Variants in ZNF394 observed in about 807,000 individuals in gnomAD.
ZNF394 encodes the protein zinc finger protein 99.
Under a neutral mutation model 21.8 loss-of-function variants are expected in ZNF394, and 19 were observed. The observed-to-expected ratio is 0.87, with a 90% CI of 0.61 to 1.28. The LOEUF (loss-of-function observed/expected upper bound fraction) is 1.28. Ranked by LOEUF, ZNF394 falls within the 50% of genes most tolerant of loss-of-function variation. The probability of loss-of-function intolerance (pLI) is 0.00; values close to 1 mark genes in which losing one functional copy is unlikely to be tolerated. For missense variants in ZNF394, 683 were observed against 708.6 expected, an observed-to-expected ratio of 0.96 and a Z score of 0.41; for synonymous variants, 294 against 273.3, an observed-to-expected ratio of 1.08 and a Z score of -0.75.
downstream of ZNF394, among the ~76,000 whole-genome samples, chr7:99,490,061 C>T (rs939610941): frequency 6.6e-6 from 1 of 151,990 alleles, no homozygotes. Flanking sequence ...TGCCTGTAAT[C>T]CCCAACACTT....
rs573774936 is a variant in ZNF394, at chr7:99,497,126, A to G, written c.583+1590T>C. Among the ~76,000 whole-genome samples, 1,018 of 105,218 alleles carry G rather than the reference A, an allele frequency of 9.7e-3. 17 individuals are homozygous for G. Among genetic ancestry groups the G allele is most frequent in the African/African-American group, 0.054 (841 of 15,562 alleles). 69.0% of individuals were successfully genotyped at this position (105,218 alleles called of 152,430 possible). ...TGTGTGTGTGTGTGTGTGTGTGTATATATATATATATATATGTATATATAT... is the reference window on the plus strand; with the variant it reads ...TGTGTGTGTGTGTGTGTGTGTGTATGTATATATATATATATGTATATATAT... On this transcript the variant is annotated intron_variant, in intron 2 of 2. Coordinates refer to ENST00000337673, the MANE Select transcript of ZNF394 (RefSeq NM_032164.4).
At chr7:99,495,354 G>T (rs1196113010) in intron 2 of ZNF394, among the ~76,000 whole-genome samples, 1 of 146,210 alleles carries the variant, frequency 6.8e-6, no homozygotes, top group Non-Finnish European at 1.5e-5. Flanking sequence ...ATGGAGTCTT[G>T]CTCTGTTGCC....
At chr7:99,496,854 G>A (rs1337557085) in intron 2 of ZNF394, among the ~76,000 whole-genome samples, 1 of 151,644 alleles carries the variant, frequency 6.6e-6, no homozygotes, top group African/African-American at 2.4e-5. Flanking sequence ...TTACAGGTGT[G>A]AGCCACCGTA....
chr7:99,487,632 T>G (rs1800046830), intron 1 of ZNF394: 1 of 900,556 alleles, frequency 1.1e-6, no homozygotes, highest in Non-Finnish European at 1.6e-6. Flanking sequence ...CAATCTGTAG[T>G]GAAGAAACGC....
At position 99,494,141 on chromosome 7, in the gene ZNF394, A is replaced by G. The variant is rs772496774; in HGVS notation, c.1074T>C (p.Tyr358=). Residue 358 remains tyrosine (Y), a synonymous_variant, in exon 3 of 3, where the codon TAT becomes TAC. Coordinates refer to ENST00000337673, the MANE Select transcript of ZNF394 (RefSeq NM_032164.4). ...TQRQLHEERP[Y]KCGNCGKSFK... ...AACTCTTCCCACAGTTACCACATTT[A>G]TAAGGTCTTTCTTCATGGAGCTGCC... 28 of 1,614,094 alleles carry G rather than the reference A, an allele frequency of 1.7e-5. No homozygotes were observed. The highest frequency in any genetic ancestry group is 2.2e-5 in the Non-Finnish European group (26 of 1,180,058).
chr7:99,490,824 C>T (rs1800146658), downstream of ZNF394, among the ~76,000 whole-genome samples: 1 of 151,930 alleles, frequency 6.6e-6, no homozygotes, highest in Non-Finnish European at 1.5e-5. Context: ...AATGAACAGT[C>T]ACATCCAAAG....
At chr7:99,491,366 C>T, downstream of ZNF394, among the ~76,000 whole-genome samples, 1 of 152,268 alleles carries the variant, frequency 6.6e-6, no homozygotes, top group Middle Eastern at 3.4e-3. Context: ...GTGCTAAGAG[C>T]ATCTTTTCTT....
At chr7:99,489,156 C>T (rs527866823), downstream of ZNF394, among the ~76,000 whole-genome samples, 34 of 151,480 alleles carry the variant, frequency 2.2e-4, no homozygotes, top group Admixed American at 4.0e-4. Context: ...TGGTGGTGCG[C>T]GCCTGTAGTC....
Position 99,493,702 on chromosome 7 carries a change from G to C in ZNF394, c.1513C>G (p.Arg505Gly). 1 of 1,614,158 alleles carries C rather than the reference G, an allele frequency of 6.2e-7. No individual in the cohort carries two copies. Among genetic ancestry groups the C allele is most frequent in the Admixed American group, 1.7e-5 (1 of 60,010 alleles). Residue 505 changes from arginine (R) to glycine (G), a missense_variant, in exon 3 of 3, where the codon CGC (arginine) becomes GGC (glycine). Physicochemically the swap from Arg to Gly is moderately radical, Grantham distance 125. Transcript: ENST00000337673. ...ATGAGGGTTGCACTCTGATTGAAGC[G>C]TTTCCCACAGACGGAACATCCATAG... is the stretch of plus-strand genomic sequence containing the variant. The part of the protein sequence containing the change: ...KPYGCSVCGK[R>G]FNQSATLIKH...
At chr7:99,496,498 G>C (rs983684043) in intron 2 of ZNF394, among the ~76,000 whole-genome samples, 3 of 152,168 alleles carry the variant, frequency 2.0e-5, no homozygotes, top group East Asian at 3.8e-4. Context: ...AGTGTGGCCA[G>C]AGCAGGCAAA....
In ZNF394 at chr7:99,493,910, G is replaced by T; in HGVS notation, c.1305C>A (p.Thr435=). Residue 435 remains threonine (T), a synonymous_variant, in exon 3 of 3, where the codon ACC becomes ACA. Coordinates refer to ENST00000337673, the MANE Select transcript of ZNF394 (RefSeq NM_032164.4). ...ATTTAAAATGTTTGTCTCTACTGTGGGTACTTTGATGACGATTTAGGTGTG... is the reference window on the plus strand; with the variant it reads ...ATTTAAAATGTTTGTCTCTACTGTGTGTACTTTGATGACGATTTAGGTGTG... ...QNSHLNRHQS[T]HSRDKHFKCE... is the part of the protein sequence containing the mutation. 6.2e-7 allele frequency: 1 copy of T among 1,614,192 alleles called. No homozygotes were observed. Among genetic ancestry groups the T allele is most frequent in the Non-Finnish European group, 8.5e-7 (1 of 1,180,042 alleles).
chr7:99,498,897 A>G (rs941169314), intron 1 of ZNF394, 55 bp from the exon 2 acceptor site: 4 of 1,552,778 alleles, frequency 2.6e-6, no homozygotes, highest in Non-Finnish European at 3.5e-6. Context: ...CAGCACTAAC[A>G]CTCTTCTTGA....
chr7:99,497,076 A>T (rs1800337697), intron 2 of ZNF394, among the ~76,000 whole-genome samples: 1 of 137,110 alleles, frequency 7.3e-6, no homozygotes, highest in African/African-American at 2.9e-5. Flanking sequence ...ATATATGTAT[A>T]TACATACATA....
rs1800402364 is a variant in ZNF394 at position 99,498,382 on chromosome 7, G to A, written c.583+334C>T. The stretch of plus-strand genomic sequence containing the variant: ...AAGGATAGAGGGGAAGGGTTTCAGG[G>A]AGGCTATGTGGGGGCCTCACCTACA... On this transcript the variant is annotated intron_variant, in intron 2 of 2. Coordinates refer to ENST00000337673, the MANE Select transcript of ZNF394 (RefSeq NM_032164.4). The A allele has an allele frequency of 1.3e-5, 3 of 225,466 alleles. No homozygotes were observed. In the South Asian group the frequency reaches 1.5e-4, roughly 12 times the overall value. 14.0% of individuals were successfully genotyped at this position (225,466 alleles called of 1,614,324 possible). A position where few individuals can be genotyped will look rare whatever the true frequency, so the allele number is the denominator to read the frequency against.
chr7:99,496,236 G>T (rs147063609), intron 2 of ZNF394, among the ~76,000 whole-genome samples: 2 of 150,322 alleles, frequency 1.3e-5, no homozygotes, highest in Non-Finnish European at 3.0e-5. Context: ...GGCTGGTCTC[G>T]AACTCCTGAC....
chr7:99,487,414 T>C (rs1446662176), intron 1 of ZNF394: 2 of 1,614,230 alleles, frequency 1.2e-6, no homozygotes, highest in Admixed American at 3.3e-5. Flanking sequence ...ATGTGTCATA[T>C]GTGGAAAATC....
chr7:99,493,862 A>C lies in ZNF394; in HGVS notation c.1353T>G (p.Cys451Trp). The change falls in exon 3 of 3, where the codon TGT becomes TGG. Residue 451 changes from cysteine (C) to tryptophan (W), a missense_variant. Coordinates refer to ENST00000337673, the MANE Select transcript of ZNF394 (RefSeq NM_032164.4). ...GATGTCTAAAAAGGTTGGAAATATG[A>C]CAGGTTTCCCCGCATTCCTCACATT... is the stretch of plus-strand genomic sequence containing the variant. ...HFKCEECGET[C>W]HISNLFRHQR... The C allele has an allele frequency of 6.2e-7, 1 of 1,614,074 alleles. No individual in the cohort carries two copies. The highest frequency in any genetic ancestry group is 8.5e-7 in the Non-Finnish European group (1 of 1,180,026).
intron 1 of ZNF394, chr7:99,487,527 T>G (rs143259334): frequency 1.3e-6 from 2 of 1,571,016 alleles, no homozygotes; most frequent in Non-Finnish European, 1.7e-6. Flanking sequence ...CTAGAACTTA[T>G]AAACCTCTAC....
chr7:99,496,576 G>A lies in ZNF394; in HGVS notation c.584-1945C>T, dbSNP rs369100524. Among the ~76,000 whole-genome samples the A allele has an allele frequency of 9.9e-5, 15 of 151,544 alleles. No individual in the cohort carries two copies. The East Asian group carries it at 1.6e-3, about 16-fold the overall frequency. On this transcript the variant is annotated intron_variant, in intron 2 of 2. Coordinates refer to ENST00000337673, the MANE Select transcript of ZNF394 (RefSeq NM_032164.4). ...CCTGCACATCAGGCATCAGAGGTCC[G>A]GCTAATTTTTGGTATTTCTAGTAGA... is the stretch of plus-strand genomic sequence containing the variant.
Sources: gnomAD v4.1 joint callset for allele counts (sites outside exome capture counted in the v4.1 genomes callset) on GRCh38, gnomAD v4.1.1 for gene constraint, MANE v1.5 for transcripts, NCBI Gene and HGNC (gene_info 2026-07-23, HGNC 2026-07-21) for gene names.